The following ACACB variants were observed in gnomAD, a reference collection of about 807,000 sequenced individuals.
The protein encoded by ACACB is acetyl-CoA carboxylase beta.
In ACACB, 209 loss-of-function variants were observed where a neutral mutation model predicts 278.8. The observed-to-expected ratio is 0.75, with a 90% CI of 0.67 to 0.84. The LOEUF is 0.84. Ranked by LOEUF, ACACB falls within the 40% of genes least tolerant of loss-of-function variation. The pLI is 0.00. For missense variants in ACACB, 2,850 were observed against 3,269.0 expected (o/e 0.87, Z 3.13); for synonymous variants, 1,174 against 1,285.6 (o/e 0.91, Z 1.86).
intron 2 of ACACB, among the ~76,000 whole-genome samples, chr12:109,156,455 G>A (rs2043538956): frequency 6.6e-6 from 1 of 151,196 alleles, no homozygotes. Flanking sequence ...TTGAGCCTGG[G>A]AGATCGAGGC....
chr12:109,234,932 TAAG>T (rs926084996), intron 31 of ACACB, among the ~76,000 whole-genome samples: 13 of 141,140 alleles, frequency 9.2e-5, no homozygotes, highest in Middle Eastern at 7.0e-3. Context: ...TTAGAAGAAA[TAAG>T]AAAAAAAGTG....
chr12:109,186,999 C>T (rs1446957921), intron 12 of ACACB, among the ~76,000 whole-genome samples: 3 of 151,932 alleles, frequency 2.0e-5, no homozygotes, highest in Non-Finnish European at 4.4e-5. Flanking sequence ...GGGAGACGGG[C>T]CGTTCTCCCA....
chr12:109,209,846 TG>T (rs1428361580), intron 21 of ACACB, among the ~76,000 whole-genome samples: 2 of 141,236 alleles, frequency 1.4e-5, no homozygotes, highest in African/African-American at 5.4e-5. Flanking sequence ...TACACACACG[TG>T]TGTATATATG....
At chr12:109,240,618 A>T (rs903591716) in intron 35 of ACACB, among the ~76,000 whole-genome samples, 4 of 148,466 alleles carry the variant, frequency 2.7e-5, no homozygotes, top group African/African-American at 9.8e-5. Flanking sequence ...AATATATATT[A>T]TTAAAAATAA....
intron 19 of ACACB, among the ~76,000 whole-genome samples, chr12:109,205,773 G>A (rs1467247699): frequency 3.3e-5 from 5 of 151,962 alleles, no homozygotes; most frequent in Admixed American, 3.3e-4. Flanking sequence ...CTTAAAAGGG[G>A]AGAAAAGCCT....
At position 109,225,910 on chromosome 12, in the gene ACACB, G is replaced by GAATATTAT. The variant is rs2046299770; in HGVS notation, c.3883-1461_3883-1460insAATATTAT. ...TTGAAATGATAATATTTGCATATGT[G>GAATATTAT]GGGTGAAATAAAATATATTATTAAA... On this transcript the variant is annotated intron_variant, in intron 27 of 52. Transcript: ENST00000338432. Among the ~76,000 whole-genome samples, 7 of 152,136 alleles carry GAATATTAT rather than the reference G, an allele frequency of 4.6e-5. No homozygotes were observed. The South Asian group carries it at 1.2e-3, about 27-fold the overall frequency.
In ACACB at chr12:109,256,230, G is replaced by A. The variant is rs758071550; in HGVS notation, c.6257G>A (p.Arg2086Gln). ...TGGGCGCAGACCGTGGTGACAGGAC[G>A]AGCAAGGTAATCATGAAGACGGGAG... The part of the protein sequence containing the change: ...APWAQTVVTG[R>Q]ARLGGIPVGV... The change falls in exon 45 of 53, where the codon CGA becomes CAA. Residue 2086 changes from arginine (R) to glutamine (Q), a missense_variant. Arg to Gln is a conservative substitution (Grantham distance 43). This residue lies in a region of ACACB where 579 missense variants were observed against 684.6 expected (regional missense o/e 0.85). Coordinates refer to ENST00000338432, the MANE Select transcript of ACACB (RefSeq NM_001093.4). 7 of 1,613,614 alleles carry A rather than the reference G, an allele frequency of 4.3e-6. No individual in the cohort carries two copies. The highest frequency in any genetic ancestry group is 1.3e-5 in the African/African-American group (1 of 74,924).
chr12:109,160,444 C>T (rs537628003), intron 2 of ACACB, among the ~76,000 whole-genome samples: 9 of 152,282 alleles, frequency 5.9e-5, no homozygotes, highest in South Asian at 4.2e-4. Flanking sequence ...AGTGGGCAGC[C>T]GAGAATGTTT....
At chr12:109,141,475 A>G (rs1565858709) in intron 2 of ACACB, among the ~76,000 whole-genome samples, 1 of 152,230 alleles carries the variant, frequency 6.6e-6, no homozygotes, top group East Asian at 1.9e-4. Context: ...ATATAGGAGA[A>G]CAGAGAGAAG....
chr12:109,173,979 A>T (rs1049672306), intron 6 of ACACB, among the ~76,000 whole-genome samples, 153 bp from the exon 7 acceptor site: 1 of 152,214 alleles, frequency 6.6e-6, no homozygotes, highest in African/African-American at 2.4e-5. Context: ...CTTCCCTGAC[A>T]TGAGGTTAAG....
At chr12:109,180,569 T>C (rs1362610399) in intron 11 of ACACB, among the ~76,000 whole-genome samples, 5 of 152,210 alleles carry the variant, frequency 3.3e-5, no homozygotes, top group Non-Finnish European at 5.9e-5. Context: ...CTCTAAATTT[T>C]TTTTTTATTT....
At chr12:109,250,532 G>A (rs1201732281) in intron 41 of ACACB, among the ~76,000 whole-genome samples, 2 of 152,178 alleles carry the variant, frequency 1.3e-5, no homozygotes, top group Admixed American at 1.3e-4. Flanking sequence ...TCAAGGTACT[G>A]AATGTTTAGA....
At chr12:109,244,736 G>A (rs964965730) in intron 37 of ACACB, among the ~76,000 whole-genome samples, 5 of 152,054 alleles carry the variant, frequency 3.3e-5, no homozygotes, top group African/African-American at 1.2e-4. Flanking sequence ...TGGATTACAG[G>A]CATGAGCCAC....
chr12:109,221,085 C>T (rs912169180), intron 24 of ACACB, among the ~76,000 whole-genome samples: 3 of 152,052 alleles, frequency 2.0e-5, no homozygotes, highest in Non-Finnish European at 4.4e-5. Context: ...ATGCCACCAC[C>T]GTTTAATAAT....
At chr12:109,167,875 C>T (rs996341898) in intron 3 of ACACB, 21 bp from the exon 4 acceptor site, 1 of 1,613,800 alleles carries the variant, frequency 6.2e-7, no homozygotes. Context: ...TCTACAGCTC[C>T]TTCCTTGTCT....
At chr12:109,164,117 G>GA (rs1045629469) in intron 2 of ACACB, among the ~76,000 whole-genome samples, 2 of 152,128 alleles carry the variant, frequency 1.3e-5, no homozygotes, top group Non-Finnish European at 2.9e-5. Context: ...ATCTGGATAT[G>GA]AAAAAACAGG....
chr12:109,116,690 G>T lies in ACACB; in HGVS notation c.-24G>T, dbSNP rs146815083. On this transcript the variant is annotated 5_prime_UTR_variant, in exon 1 of 53. Transcript: ENST00000338432. ...GGGGAGGACATGGCAAGAGAAAAGCGGCAGGAATAAAGTGGTAAGTCAGCT... is the reference window on the plus strand; with the variant it reads ...GGGGAGGACATGGCAAGAGAAAAGCTGCAGGAATAAAGTGGTAAGTCAGCT... The T allele has an allele frequency of 5.3e-5, 8 of 152,238 alleles. No homozygotes were observed. Among genetic ancestry groups the T allele is most frequent in the South Asian group, 2.1e-4 (1 of 4,834 alleles). 9.4% of individuals were successfully genotyped at this position (152,238 alleles called of 1,614,324 possible).
At position 109,139,546 on chromosome 12, in the gene ACACB, C is replaced by T; in HGVS notation, c.141C>T (p.Pro47=). 3 of 1,614,120 alleles carry T rather than the reference C, an allele frequency of 1.9e-6. No individual in the cohort carries two copies. The highest frequency in any genetic ancestry group is 2.5e-6 in the Non-Finnish European group (3 of 1,180,028). The part of the protein sequence containing the change: ...SEANLIPSQE[P]FPASDNSGET... Reference sequence around the variant, plus strand: ...CAAACCTCATCCCGAGCCAGGAGCCCTTTCCAGCCTCTGATAACTCAGGGG... The same window carrying T: ...CAAACCTCATCCCGAGCCAGGAGCCTTTTCCAGCCTCTGATAACTCAGGGG... Residue 47 remains proline (P), a synonymous_variant, in exon 2 of 53, where the codon CCC becomes CCT. Transcript: ENST00000338432.
Position 109,258,840 on chromosome 12 carries a change from G to A in ACACB, c.6361-133G>A, listed in dbSNP as rs543549205. ...GAGGAGATGGGGCTTCCATCCTTCT[G>A]AGCCCTGGCTCTGGTGCTGGGGCCA... On this transcript the variant is annotated intron_variant, in intron 46 of 52. Transcript: ENST00000338432. The A allele has an allele frequency of 3.6e-4, 432 of 1,193,212 alleles. 8 individuals are homozygous for A. In the South Asian group the frequency reaches 5.0e-3, roughly 14 times the overall value. 73.9% of individuals were successfully genotyped at this position (1,193,212 alleles called of 1,614,324 possible). A position where few individuals can be genotyped will look rare whatever the true frequency, so the allele number is the denominator to read the frequency against.
Sources: allele counts gnomAD v4.1 joint callset (sites outside exome capture counted in the v4.1 genomes callset), GRCh38; gene constraint gnomAD v4.1.1; regional missense constraint gnomAD v4.1.1; transcripts MANE v1.5; gene names NCBI Gene and HGNC (gene_info 2026-07-23, HGNC 2026-07-21).